LHFPL3: variants seen among roughly 807,000 people sequenced by gnomAD.
The protein encoded by LHFPL3 is LHFPL tetraspan subfamily member 3 protein.
LHFPL3 carries 5 observed loss-of-function variants against 19.3 expected under a neutral mutation model. The observed-to-expected ratio is 0.26, with a 90% CI of 0.14 to 0.54. LHFPL3 has a LOEUF of 0.54. Among genes scored for constraint, LHFPL3 ranks in the 20% least tolerant of loss-of-function variants. The probability of loss-of-function intolerance (pLI) is 0.94; values close to 1 mark genes in which losing one functional copy is unlikely to be tolerated. For missense variants in LHFPL3, 249 were observed against 307.4 expected (o/e 0.81, Z 1.42); for synonymous variants, 133 against 126.2 (o/e 1.05, Z -0.36).
At chr7:104,558,566 A>T (rs4275152) in intron 1 of LHFPL3, among the ~76,000 whole-genome samples, 4 of 151,114 alleles carry the variant, frequency 2.6e-5, no homozygotes, top group African/African-American at 7.4e-5. Context: ...TTCATTGTAG[A>T]TTCTGGATAT....
At chr7:104,776,789 T>C (rs1224781442) in intron 2 of LHFPL3, among the ~76,000 whole-genome samples, 2 of 152,226 alleles carry the variant, frequency 1.3e-5, no homozygotes, top group African/African-American at 4.8e-5. Flanking sequence ...AGGATTCAGA[T>C]TGCAGGGCTG....
At chr7:104,572,048 C>T (rs1253966745) in intron 1 of LHFPL3, among the ~76,000 whole-genome samples, 1 of 152,152 alleles carries the variant, frequency 6.6e-6, no homozygotes, top group Non-Finnish European at 1.5e-5. Context: ...TTTTAAAGTG[C>T]AGATTTTAAG....
At chr7:104,658,400 T>G (rs1169042493) in intron 1 of LHFPL3, among the ~76,000 whole-genome samples, 1 of 152,232 alleles carries the variant, frequency 6.6e-6, no homozygotes, top group Non-Finnish European at 1.5e-5. Flanking sequence ...TTTACTCCTT[T>G]TGCTACACAG....
At chr7:104,753,884 T>C (rs1794226252) in intron 2 of LHFPL3, among the ~76,000 whole-genome samples, 1 of 152,212 alleles carries the variant, frequency 6.6e-6, no homozygotes, top group Non-Finnish European at 1.5e-5. Context: ...TTAGACAGGA[T>C]CATAGGCATA....
chr7:104,355,279 T>A (rs1245296488), intron 1 of LHFPL3, among the ~76,000 whole-genome samples: 1 of 152,154 alleles, frequency 6.6e-6, no homozygotes, highest in African/African-American at 2.4e-5. Context: ...CCCCCAATGG[T>A]ACCTTACATG....
At chr7:104,899,733 T>G (rs559526267) in intron 2 of LHFPL3, among the ~76,000 whole-genome samples, 35 of 152,012 alleles carry the variant, frequency 2.3e-4, no homozygotes, top group Non-Finnish European at 4.7e-4. Context: ...ACCCCCTAAT[T>G]TATTAATTCT....
chr7:104,814,737 A>G (rs886175239), intron 2 of LHFPL3, among the ~76,000 whole-genome samples: 1 of 152,192 alleles, frequency 6.6e-6, no homozygotes, highest in Non-Finnish European at 1.5e-5. Flanking sequence ...CAGTGCCCAA[A>G]TTCCAGAGGG....
At chr7:104,860,985 G>A (rs148973121) in intron 2 of LHFPL3, among the ~76,000 whole-genome samples, 8 of 152,186 alleles carry the variant, frequency 5.3e-5, no homozygotes, top group East Asian at 3.9e-4. Context: ...ACTTTTCTCC[G>A]ACAATCTTGT....
intron 1 of LHFPL3, among the ~76,000 whole-genome samples, chr7:104,577,576 TAAAC>T (rs1790363366): frequency 6.6e-6 from 1 of 152,154 alleles, no homozygotes; most frequent in East Asian, 1.9e-4. Context: ...GTATTCCTCC[TAAAC>T]AGAGTGAATT....
intron 1 of LHFPL3, among the ~76,000 whole-genome samples, chr7:104,656,052 T>C (rs1337549778): frequency 1.3e-5 from 2 of 152,178 alleles, no homozygotes; most frequent in Non-Finnish European, 2.9e-5. Flanking sequence ...TTATCATCAA[T>C]CTGGTTGTAC....
chr7:104,360,142 T>C lies in LHFPL3; in HGVS notation c.445+30918T>C, dbSNP rs12672478. On this transcript the variant is annotated intron_variant, in intron 1 of 2. Coordinates refer to ENST00000424859, the MANE Select transcript of LHFPL3 (RefSeq NM_199000.3). ...ACCAGGAAGTGCCATAGCACACTTA[T>C]ACTTTTAAAGGGATGGGGTGGGTGA... 6.6e-3 allele frequency among the ~76,000 whole-genome samples: 1,009 copies of C among 152,324 alleles called. 69 individuals carry two copies. The East Asian group carries it at 0.16, about 24-fold the overall frequency.
At chr7:104,566,778 C>T (rs557069330) in intron 1 of LHFPL3, among the ~76,000 whole-genome samples, 2 of 152,156 alleles carry the variant, frequency 1.3e-5, no homozygotes, top group African/African-American at 4.8e-5. Flanking sequence ...TGAGCTAGCC[C>T]CCTTTTGTGC....
Position 104,457,959 on chromosome 7 carries a change from G to GT in LHFPL3, c.445+128737dup, listed in dbSNP as rs1340537763. Among the ~76,000 whole-genome samples, 3 of 144,210 alleles carry GT rather than the reference G, an allele frequency of 2.1e-5. No individual in the cohort carries two copies. In the East Asian group the frequency reaches 6.5e-4, roughly 31 times the overall value. 94.6% of individuals were successfully genotyped at this position (144,210 alleles called of 152,430 possible). A position where few individuals can be genotyped will look rare whatever the true frequency, so the allele number is the denominator to read the frequency against. On this transcript the variant is annotated intron_variant, in intron 1 of 2. Transcript: ENST00000424859. ...TATCCTTCACCCACTTTTTGATGGG[G>GT]TTGTTTGTTTTTTTCTTGTAAATTT...
chr7:104,588,965 T>G (rs2115617494), intron 1 of LHFPL3, among the ~76,000 whole-genome samples: 1 of 152,370 alleles, frequency 6.6e-6, no homozygotes, highest in African/African-American at 2.4e-5. Flanking sequence ...ATTGATTTTG[T>G]ATCCTGAGAC....
chr7:104,584,145 C>A (rs546785684), intron 1 of LHFPL3, among the ~76,000 whole-genome samples: 3 of 152,178 alleles, frequency 2.0e-5, no homozygotes, highest in African/African-American at 7.2e-5. Context: ...ATGATGAGTT[C>A]ATGTCCTTTG....
intron 2 of LHFPL3, among the ~76,000 whole-genome samples, chr7:104,814,857 C>G (rs1790535264): frequency 6.6e-6 from 1 of 152,214 alleles, no homozygotes; most frequent in South Asian, 2.1e-4. Flanking sequence ...GAGATCAGAG[C>G]AGGTGCCGAC....
At chr7:104,530,622 T>G (rs1794277804) in intron 1 of LHFPL3, among the ~76,000 whole-genome samples, 1 of 152,212 alleles carries the variant, frequency 6.6e-6, no homozygotes, top group Non-Finnish European at 1.5e-5. Context: ...CCATAGTTCG[T>G]TAAATTTAAC....
chr7:104,853,597 CTAATT>C (rs1330767760), intron 2 of LHFPL3, among the ~76,000 whole-genome samples: 1 of 152,054 alleles, frequency 6.6e-6, no homozygotes, highest in African/African-American at 2.4e-5. Context: ...TAAATTAGTG[CTAATT>C]TGATTTATTT....
chr7:104,364,062 G>C (rs1322705095), intron 1 of LHFPL3, among the ~76,000 whole-genome samples: 1 of 152,154 alleles, frequency 6.6e-6, no homozygotes, highest in East Asian at 1.9e-4. Context: ...ATTAAAAGTA[G>C]AGTCGCAAGG....
Sources: allele counts gnomAD v4.1 joint callset (sites outside exome capture counted in the v4.1 genomes callset), GRCh38; gene constraint gnomAD v4.1.1; transcripts MANE v1.5; gene names NCBI Gene and HGNC (gene_info 2026-07-23, HGNC 2026-07-21).